CBLB: variants seen among roughly 807,000 people sequenced by gnomAD.
The protein encoded by CBLB is E3 ubiquitin-protein ligase CBL-B.
In CBLB, 31 loss-of-function variants were observed where a neutral mutation model predicts 104.9. The observed-to-expected ratio is 0.30, with a 90% confidence interval of 0.22 to 0.40. CBLB has a LOEUF of 0.40. Ranked by LOEUF, CBLB falls within the 10% of genes least tolerant of loss-of-function variation. CBLB has a pLI of 1.00. For missense variants in CBLB, 1,062 were observed against 1,214.6 expected (o/e 0.87, Z 1.87); for synonymous variants, 440 against 422.6 (o/e 1.04, Z -0.51).
At chr3:105,754,307 A>T (rs930670731) in intron 4 of CBLB, among the ~76,000 whole-genome samples, 1 of 152,130 alleles carries the variant, frequency 6.6e-6, no homozygotes, top group Non-Finnish European at 1.5e-5. Flanking sequence ...GAGGTATATG[A>T]GAGGAAGTGA....
chr3:105,786,830 T>C (rs776975891), intron 3 of CBLB, among the ~76,000 whole-genome samples: 5 of 152,190 alleles, frequency 3.3e-5, no homozygotes, highest in African/African-American at 4.8e-5. Flanking sequence ...TATAGATAAA[T>C]TAGCACATCA....
chr3:105,798,759 G>A (rs2082513498), intron 3 of CBLB, among the ~76,000 whole-genome samples: 1 of 151,872 alleles, frequency 6.6e-6, no homozygotes, highest in African/African-American at 2.4e-5. Context: ...TGCTTATTTT[G>A]AGTGACATGC....
Position 105,704,141 on chromosome 3 carries a change from T to C in CBLB, c.1440A>G (p.Ser480=). 2 of 1,614,040 alleles carry C rather than the reference T, an allele frequency of 1.2e-6. No individual in the cohort carries two copies. Among genetic ancestry groups the C allele is most frequent in the African/African-American group, 1.3e-5 (1 of 75,012 alleles). The change falls in exon 11 of 19, where the codon TCA becomes TCG. Residue 480 remains serine, a synonymous_variant. Transcript: ENST00000394030. ...TCTGGGCAAGGGGAGAGGATCCTGG[T>C]GATGTGACTGGTGAGTTCTGCCTGT... ...CTDRQNSPVT[S]PGSSPLAQRR... is the part of the protein sequence containing the mutation.
At chr3:105,699,257 C>T (rs750689096) in intron 12 of CBLB, among the ~76,000 whole-genome samples, 17 of 151,992 alleles carry the variant, frequency 1.1e-4, no homozygotes, top group Non-Finnish European at 1.8e-4. Context: ...AAAAAACAGA[C>T]AACTATTTTG....
intron 3 of CBLB, among the ~76,000 whole-genome samples, chr3:105,808,479 C>T (rs895286410): frequency 1.3e-5 from 2 of 152,136 alleles, no homozygotes; most frequent in African/African-American, 4.8e-5. Flanking sequence ...AAACTTTATG[C>T]CAGTTTCATG....
At chr3:105,838,237 A>C (rs906436341) in intron 3 of CBLB, among the ~76,000 whole-genome samples, 4 of 143,310 alleles carry the variant, frequency 2.8e-5, no homozygotes, top group African/African-American at 1.0e-4. Flanking sequence ...GCATGGGCCA[A>C]CACACCTGGC....
chr3:105,832,367 A>G (rs1278325654), intron 3 of CBLB, among the ~76,000 whole-genome samples: 1 of 152,226 alleles, frequency 6.6e-6, no homozygotes, highest in Non-Finnish European at 1.5e-5. Context: ...TTAATGGACA[A>G]CAAATAACGT....
chr3:105,787,334 G>C (rs192889630), intron 3 of CBLB, among the ~76,000 whole-genome samples: 13 of 152,248 alleles, frequency 8.5e-5, no homozygotes, highest in Non-Finnish European at 1.8e-4. Context: ...GGATACAGTG[G>C]AAGAAAACAC....
At chr3:105,860,153 T>C (rs1560570401) in intron 2 of CBLB, among the ~76,000 whole-genome samples, 3 of 152,204 alleles carry the variant, frequency 2.0e-5, no homozygotes, top group Admixed American at 2.0e-4. Context: ...GTCTTTCTCA[T>C]TGGTCTCTCT....
chr3:105,801,358 A>C (rs1415220524), intron 3 of CBLB, among the ~76,000 whole-genome samples: 3 of 152,160 alleles, frequency 2.0e-5, no homozygotes, highest in African/African-American at 7.2e-5. Context: ...TTAATGAGAA[A>C]AGCATATTTT....
chr3:105,762,583 T>C (rs996742475), intron 4 of CBLB, among the ~76,000 whole-genome samples: 6 of 152,220 alleles, frequency 3.9e-5, no homozygotes, highest in Non-Finnish European at 7.3e-5. Context: ...AGCCTGCAGG[T>C]GCACAGAAGT....
At chr3:105,680,307 A>G (rs2066159072) in intron 16 of CBLB, among the ~76,000 whole-genome samples, 1 of 147,966 alleles carries the variant, frequency 6.8e-6, no homozygotes, top group East Asian at 1.9e-4. Context: ...GGTCAAGGTA[A>G]AAAGACAGGT....
rs149798097 is a variant in CBLB at position 105,800,348 on chromosome 3, C to T, written c.420-23806G>A. ...CTGAAAACCACTGAGTAGGAGGATG[C>T]TTCCTAGTTCCTTCTAACACACAAC... On this transcript the variant is annotated intron_variant, in intron 3 of 18. Coordinates refer to ENST00000394030, the MANE Select transcript of CBLB (RefSeq NM_170662.5). Among the ~76,000 whole-genome samples the T allele has an allele frequency of 1.2e-3, 178 of 152,252 alleles. 1 individual carries two copies. The highest frequency in any genetic ancestry group is 3.9e-3 in the African/African-American group (163 of 41,554).
chr3:105,702,161 C>G lies in CBLB; in HGVS notation c.1892G>C (p.Arg631Thr), dbSNP rs1330454524. The stretch of plus-strand genomic sequence containing the variant: ...CATAAGCACTGGGTCAGAGCCCACT[C>G]TACTGTGCCTTCCATTGACATTTGA... Reference protein sequence around the residue: ...ASSNVNGRHSRVGSDPVLMRK... With the variant: ...ASSNVNGRHSTVGSDPVLMRK... The change falls in exon 12 of 19, where the codon AGA becomes ACA. Residue 631 changes from arginine (R) to threonine (T), a missense_variant. Around this residue, in one of 2 missense-constraint regions of CBLB, gnomAD observed 605 missense variants for 582.6 expected, o/e 1.04. Transcript: ENST00000394030. The G allele has an allele frequency of 6.2e-7, 1 of 1,614,168 alleles. No homozygotes were observed.
At chr3:105,675,840 G>T (rs187021324) in intron 17 of CBLB, among the ~76,000 whole-genome samples, 1 of 129,230 alleles carries the variant, frequency 7.7e-6, no homozygotes, top group African/African-American at 3.0e-5. Flanking sequence ...AACTGAGATC[G>T]CACCACTGTA....
chr3:105,799,174 G>GAATAAAAAAAAAAAA (rs1471114207), intron 3 of CBLB, among the ~76,000 whole-genome samples: 1 of 35,142 alleles, frequency 2.8e-5, no homozygotes, highest in East Asian at 6.8e-4. Context: ...TAATGACAAA[G>GAATAAAAAAAAAAAA]AACAAAAAAA....
chr3:105,715,762 G>C (rs1054640673), intron 10 of CBLB, among the ~76,000 whole-genome samples: 7 of 152,202 alleles, frequency 4.6e-5, no homozygotes, highest in African/African-American at 1.4e-4. Flanking sequence ...CCAGGCACCA[G>C]GCACGGTGGC....
intron 10 of CBLB, among the ~76,000 whole-genome samples, chr3:105,711,500 T>TAC (rs751494385): frequency 2.8e-4 from 43 of 152,190 alleles, no homozygotes; most frequent in Non-Finnish European, 5.6e-4. Flanking sequence ...CAAAAATGCT[T>TAC]ACACACATAC....
chr3:105,805,832 T>C (rs2083428829), intron 3 of CBLB, among the ~76,000 whole-genome samples: 1 of 152,090 alleles, frequency 6.6e-6, no homozygotes, highest in Admixed American at 6.6e-5. Flanking sequence ...TAGTAGGACA[T>C]TAATTCTTTT....
Sources: allele counts gnomAD v4.1 joint callset (sites outside exome capture counted in the v4.1 genomes callset), GRCh38; gene constraint gnomAD v4.1.1; regional missense constraint gnomAD v4.1.1; transcripts MANE v1.5; gene names NCBI Gene and HGNC (gene_info 2026-07-23, HGNC 2026-07-21).